Variants in MASP1 observed in about 807,000 individuals in gnomAD.
MASP1 encodes MBL associated serine protease 1.
Under a neutral mutation model 77.1 loss-of-function variants are expected in MASP1, and 59 were observed. That is an observed-to-expected ratio of 0.77 (90% CI 0.62 to 0.95). The LOEUF (loss-of-function observed/expected upper bound fraction) is 0.95, where lower values mean the gene tolerates loss of function less well. Among genes scored for constraint, MASP1 ranks in the 40% least tolerant of loss-of-function variants. The pLI is 0.00. For missense variants in MASP1, 885 were observed against 912.9 expected (o/e 0.97, Z 0.39); for synonymous variants, 362 against 354.5 (o/e 1.02, Z -0.24).
At position 187,235,500 on chromosome 3, in the gene MASP1, C is replaced by A; in HGVS notation, c.*184G>T. 6.5e-7 allele frequency: 1 copy of A among 1,527,860 alleles called. No individual in the cohort carries two copies. The highest frequency in any genetic ancestry group is 1.4e-5 in the African/African-American group (1 of 72,898). 94.6% of individuals were successfully genotyped at this position (1,527,860 alleles called of 1,614,324 possible). On this transcript the variant is annotated 3_prime_UTR_variant, in exon 11 of 11. Transcript: ENST00000296280. ...CAAGCTCAGGAACACAGGTCTCCTG[C>A]CTGGAGCCTTTTCCCTATACCACAC...
At chr3:187,224,389 C>A (rs957733118) in intron 13 of MASP1, among the ~76,000 whole-genome samples, 1 of 146,706 alleles carries the variant, frequency 6.8e-6, no homozygotes, top group African/African-American at 2.5e-5. Context: ...CTCTGTCGCC[C>A]AGGCTGGAGT....
At chr3:187,263,224 G>A (rs1715751500) in intron 2 of MASP1, 1 of 171,760 alleles carries the variant, frequency 5.8e-6, no homozygotes, top group South Asian at 1.4e-4. Flanking sequence ...CACAGACACA[G>A]GCAGGTATTA....
intron 2 of MASP1, 98 bp from the exon 3 acceptor site, chr3:187,262,818 A>G (rs1579542974): frequency 9.3e-7 from 1 of 1,072,084 alleles, no homozygotes; most frequent in Admixed American, 2.0e-5. Context: ...ACCCAAGAGT[A>G]GGCTAGTCAG....
intron 12 of MASP1, among the ~76,000 whole-genome samples, chr3:187,225,832 T>A (rs1394206159): frequency 6.6e-6 from 1 of 152,226 alleles, no homozygotes; most frequent in African/African-American, 2.4e-5. Context: ...CCTCTCAGAC[T>A]CTTGGGTTAG....
At chr3:187,268,561 G>T (rs150876813) in intron 2 of MASP1, among the ~76,000 whole-genome samples, 101 of 150,330 alleles carry the variant, frequency 6.7e-4, no homozygotes, top group Non-Finnish European at 8.1e-4. Context: ...GAAAAGAAAA[G>T]AAAAGAAAAG....
In MASP1 at chr3:187,249,268, G is replaced by A. The variant is rs576960283; in HGVS notation, c.1090+983C>T. 8.5e-5 allele frequency among the ~76,000 whole-genome samples: 13 copies of A among 152,182 alleles called. No individual in the cohort carries two copies. The Middle Eastern group carries it at 0.01, about 120-fold the overall frequency. On this transcript the variant is annotated intron_variant, in intron 8 of 10. Transcript: ENST00000296280. ...AGACTGAGTTTCACCATGTTGGCCA[G>A]GCTGGTCTCGGACTCCGGAACTCAA...
At chr3:187,223,320 G>A (rs961198710) in intron 13 of MASP1, 5 of 810,890 alleles carry the variant, frequency 6.2e-6, no homozygotes, top group Non-Finnish European at 1.1e-5. Flanking sequence ...AGAGAAAGGT[G>A]GTGTGGTGGG....
Position 187,250,349 on chromosome 3 carries a change from A to AGGGAGTGGGAAGAAGGAGGT in MASP1, c.1012-40_1012-21dup. 1 of 1,587,150 alleles carries AGGGAGTGGGAAGAAGGAGGT rather than the reference A, an allele frequency of 6.3e-7. No individual in the cohort carries two copies. Among genetic ancestry groups the AGGGAGTGGGAAGAAGGAGGT allele is most frequent in the Non-Finnish European group, 8.7e-7 (1 of 1,155,432 alleles). Reference sequence around the variant, plus strand: ...ATTATCCTGGGAAGAGACAGGAAGAAGGGAGTGGGAAGAAGGAGGTGGGGG... The same window carrying AGGGAGTGGGAAGAAGGAGGT: ...ATTATCCTGGGAAGAGACAGGAAGAAGGGAGTGGGAAGAAGGAGGTGGGAGTGGGAAGAAGGAGGTGGGGG... On this transcript the variant is annotated intron_variant, in intron 7 of 10. Coordinates refer to ENST00000296280, the MANE Select transcript of MASP1 (RefSeq NM_139125.4).
chr3:187,253,731 C>T (rs537785807), intron 5 of MASP1, among the ~76,000 whole-genome samples: 79 of 152,164 alleles, frequency 5.2e-4, no homozygotes, highest in African/African-American at 1.8e-3. Flanking sequence ...AGCAAACTAA[C>T]ACAGGAGCAG....
chr3:187,276,330 T>A (rs1716967354), intron 2 of MASP1, among the ~76,000 whole-genome samples: 1 of 152,258 alleles, frequency 6.6e-6, no homozygotes, highest in Admixed American at 6.5e-5. Context: ...CCCAGTGCAA[T>A]GTAAGCCTCA....
chr3:187,251,537 T>C (rs1224584050), intron 7 of MASP1, 97 bp downstream of exon 7: 10 of 956,842 alleles, frequency 1.0e-5, no homozygotes, highest in Non-Finnish European at 1.7e-5. Flanking sequence ...GTGCTGGAAC[T>C]ATGACAAGTT....
At chr3:187,280,530 G>A (rs775413939) in intron 2 of MASP1, among the ~76,000 whole-genome samples, 4 of 152,134 alleles carry the variant, frequency 2.6e-5, no homozygotes, top group African/African-American at 4.8e-5. Flanking sequence ...TAGTTTCTTT[G>A]TAAGTATAAA....
chr3:187,275,252 G>A (rs978159998), intron 2 of MASP1, among the ~76,000 whole-genome samples: 8 of 152,204 alleles, frequency 5.3e-5, no homozygotes, highest in African/African-American at 1.9e-4. Context: ...CGTGGGTGAA[G>A]GCAGTGATGA....
chr3:187,270,844 C>T (rs1037510757), intron 2 of MASP1, among the ~76,000 whole-genome samples: 5 of 152,154 alleles, frequency 3.3e-5, no homozygotes, highest in Non-Finnish European at 7.3e-5. Context: ...AGATGAGAAA[C>T]TAAGGCCAAA....
At chr3:187,265,122 A>G (rs1355146290) in intron 2 of MASP1, among the ~76,000 whole-genome samples, 1 of 152,160 alleles carries the variant, frequency 6.6e-6, no homozygotes, top group Admixed American at 6.5e-5. Context: ...GTCATATATT[A>G]TATAAACCAA....
At chr3:187,263,048 G>C in intron 2 of MASP1, 1 of 329,314 alleles carries the variant, frequency 3.0e-6, no homozygotes, top group South Asian at 2.9e-5. Flanking sequence ...CAGATTCTCT[G>C]CACAACAGGA....
At chr3:187,290,247 T>C (rs1214540456) in intron 1 of MASP1, among the ~76,000 whole-genome samples, 4 of 152,036 alleles carry the variant, frequency 2.6e-5, no homozygotes, top group Admixed American at 1.3e-4. Context: ...CTCTGGAATA[T>C]GGTGGTCAGG....
At chr3:187,264,328 T>C (rs558724158) in intron 2 of MASP1, among the ~76,000 whole-genome samples, 10 of 152,244 alleles carry the variant, frequency 6.6e-5, no homozygotes, top group Non-Finnish European at 1.2e-4. Context: ...ACCAGTCTTG[T>C]TACTATAGAA....
At chr3:187,272,217 G>C (rs566447547) in intron 2 of MASP1, among the ~76,000 whole-genome samples, 8 of 152,132 alleles carry the variant, frequency 5.3e-5, no homozygotes, top group African/African-American at 1.7e-4. Flanking sequence ...GTTCAAGAAA[G>C]GTTGCAATAA....
Sources: allele counts gnomAD v4.1 joint callset (sites outside exome capture counted in the v4.1 genomes callset), GRCh38; gene constraint gnomAD v4.1.1; transcripts MANE v1.5; gene names NCBI Gene and HGNC (gene_info 2026-07-23, HGNC 2026-07-21).